The following FANCI variants were observed in gnomAD, a reference collection of about 807,000 sequenced individuals.
FANCI encodes the protein FA complementation group I.
FANCI carries 156 observed loss-of-function variants against 176.1 expected under a neutral mutation model. The ratio of observed to expected loss-of-function variants is 0.89; its 90% confidence interval spans 0.78 to 1.01. The LOEUF (loss-of-function observed/expected upper bound fraction) is 1.01, where lower values mean the gene tolerates loss of function less well. FANCI is among the 50% of genes least tolerant of loss of function. FANCI has a pLI of 0.00. For missense variants in FANCI, 1,678 were observed against 1,534.1 expected (o/e 1.09, Z -1.57); for synonymous variants, 613 against 541.7 (o/e 1.13, Z -1.83).
intron 35 of FANCI, 85 bp from the exon 36 acceptor site, chr15:89,314,527 A>T: frequency 1.0e-6 from 1 of 987,062 alleles, no homozygotes; most frequent in Non-Finnish European, 1.6e-6. Context: ...CCCTAAAGCC[A>T]TACAGTTTTG....
rs555460941 is a variant in FANCI, at chr15:89,256,069, T to A, written c.85-2635T>A. Among the ~76,000 whole-genome samples, 6 of 152,322 alleles carry A rather than the reference T, an allele frequency of 3.9e-5. No homozygotes were observed. In the South Asian group the frequency reaches 8.3e-4, roughly 21 times the overall value. On this transcript the variant is annotated intron_variant, in intron 2 of 37. Transcript: ENST00000310775. ...GGGCTTCTGATTCTGGATCCAGCTTTTTTTCCCTCTTCCTATGCCACACTG... is the reference window on the plus strand; with the variant it reads ...GGGCTTCTGATTCTGGATCCAGCTTATTTTCCCTCTTCCTATGCCACACTG...
At chr15:89,247,312 A>G (rs1026617477) in intron 1 of FANCI, among the ~76,000 whole-genome samples, 2 of 152,192 alleles carry the variant, frequency 1.3e-5, no homozygotes, top group African/African-American at 2.4e-5. Flanking sequence ...GTTAAATGGA[A>G]GCTTTGTTCT....
At chr15:89,295,752 T>TTTGTTG (rs893764005) in intron 24 of FANCI, among the ~76,000 whole-genome samples, 1 of 144,704 alleles carries the variant, frequency 6.9e-6, no homozygotes, top group African/African-American at 2.5e-5. Flanking sequence ...CCTTTTTTTT[T>TTTGTTG]TTGTTGTTGT....
chr15:89,274,385 T>C (rs1194585928), intron 12 of FANCI, 81 bp downstream of exon 12: 2 of 1,513,136 alleles, frequency 1.3e-6, no homozygotes, highest in Admixed American at 3.4e-5. Context: ...ACTTGCAGCC[T>C]GTGAGGGGAA....
chr15:89,295,681 A>C (rs2054232242), intron 24 of FANCI, among the ~76,000 whole-genome samples: 2 of 151,724 alleles, frequency 1.3e-5, no homozygotes, highest in South Asian at 4.2e-4. Context: ...GAGTGAAAAA[A>C]AGTGCAGTCA....
At position 89,303,850 on chromosome 15, in the gene FANCI, G is replaced by A; in HGVS notation, c.3007-14G>A. 1 of 1,611,900 alleles carries A rather than the reference G, an allele frequency of 6.2e-7. No individual in the cohort carries two copies. Among genetic ancestry groups the A allele is most frequent in the Non-Finnish European group, 8.5e-7 (1 of 1,178,034 alleles). On this transcript the variant is annotated splice_polypyrimidine_tract_variant and intron_variant, in intron 27 of 37. Transcript: ENST00000310775. ...TGGCATGTTTCTTTAATATCTGAAT[G>A]ATCTCTAATTTAGTTTGTGCAGATG... is the stretch of plus-strand genomic sequence containing the variant.
rs746939739 is a variant in FANCI at position 89,273,385 on chromosome 15, G to A, written c.891G>A (p.Gln297=). 2 of 1,584,660 alleles carry A rather than the reference G, an allele frequency of 1.3e-6. No individual in the cohort carries two copies. Among genetic ancestry groups the A allele is most frequent in the East Asian group, 2.2e-5 (1 of 44,626 alleles). ...RELVKHLKVG[Q]QGDSNNNLSP... ...TGGTTGCTCTCTTCTAGGTAGGACA[G>A]CAAGGAGATTCCAATAATAACTTAA... is the stretch of plus-strand genomic sequence containing the variant. Residue 297 remains glutamine (Q), a synonymous_variant, in exon 11 of 38, where the codon CAG becomes CAA. Coordinates refer to ENST00000310775, the MANE Select transcript of FANCI (RefSeq NM_001113378.2).
Position 89,316,526 on chromosome 15 carries a change from C to A in FANCI, c.*67C>A. 6.7e-7 allele frequency: 1 copy of A among 1,483,114 alleles called. No homozygotes were observed. The highest frequency in any genetic ancestry group is 9.3e-7 in the Non-Finnish European group (1 of 1,078,124). The allele number at this position is 1,483,114 out of a possible 1,614,324, so 91.9% of individuals were successfully genotyped here. The stretch of plus-strand genomic sequence containing the variant: ...CATTTTTACCCAACAAGCAACAATG[C>A]CCCTTGTCCTGTAGTCCACACCGAT... On this transcript the variant is annotated 3_prime_UTR_variant, in exon 38 of 38. Transcript: ENST00000310775.
At chr15:89,273,516 A>C (rs753646184) in intron 11 of FANCI, 47 bp downstream of exon 11, 20 of 837,026 alleles carry the variant, frequency 2.4e-5, no homozygotes, top group Middle Eastern at 5.1e-4. Flanking sequence ...GTTGGTAAAA[A>C]AAAAAAAAAA....
chr15:89,286,672 G>A (rs1032720032), intron 18 of FANCI, among the ~76,000 whole-genome samples: 1 of 152,180 alleles, frequency 6.6e-6, no homozygotes, highest in Admixed American at 6.5e-5. Flanking sequence ...CACAGGCAGA[G>A]TAGATGTAGC....
At chr15:89,249,410 C>T (rs552044973) in intron 2 of FANCI, among the ~76,000 whole-genome samples, 3 of 152,306 alleles carry the variant, frequency 2.0e-5, no homozygotes, top group South Asian at 2.1e-4. Context: ...TGCAGTGGGG[C>T]GATCTCGGCA....
In FANCI at chr15:89,273,943, T is replaced by A. The variant is rs149887102; in HGVS notation, c.976-225T>A. Among the ~76,000 whole-genome samples, 2,012 of 152,312 alleles carry A rather than the reference T, an allele frequency of 0.013. 20 individuals are homozygous for A. Among genetic ancestry groups the A allele is most frequent in the Non-Finnish European group, 0.019 (1,301 of 68,020 alleles). ...TTAAGGAAGGCTTGTCTTCAGCTCC[T>A]TAAAGTTCCCACTGAATGTCATAAT... On this transcript the variant is annotated intron_variant, in intron 11 of 37. Transcript: ENST00000310775.
chr15:89,295,304 C>T (rs1174262522), intron 24 of FANCI, among the ~76,000 whole-genome samples: 1 of 149,754 alleles, frequency 6.7e-6, no homozygotes, highest in African/African-American at 2.5e-5. Context: ...AGGTGGAGGT[C>T]GCAGTGAGCT....
intron 2 of FANCI, among the ~76,000 whole-genome samples, chr15:89,255,896 T>C (rs940642284): frequency 2.0e-5 from 3 of 152,176 alleles, no homozygotes; most frequent in Non-Finnish European, 4.4e-5. Flanking sequence ...AAATTAACAT[T>C]CGTTGAGTAC....
At chr15:89,245,357 TTTTTTTTTTTTTTG>T (rs2051914506) in intron 1 of FANCI, 2 of 130,400 alleles carry the variant, frequency 1.5e-5, no homozygotes, top group African/African-American at 6.3e-5. Context: ...TTTTTTTTTT[TTTTTTTTTTTTTTG>T]TATTTTTAGT....
At chr15:89,302,192 C>G (rs1428291225) in intron 27 of FANCI, among the ~76,000 whole-genome samples, 1 of 152,106 alleles carries the variant, frequency 6.6e-6, no homozygotes, top group East Asian at 1.9e-4. Context: ...TTTATGTGAG[C>G]CCTTGCCTCA....
intron 19 of FANCI, chr15:89,290,505 A>C: frequency 3.6e-6 from 2 of 548,554 alleles, no homozygotes; most frequent in South Asian, 2.0e-5. Context: ...GTGAATTAAC[A>C]GTCTGTATCC....
chr15:89,247,169 C>A (rs1249893438), intron 1 of FANCI, among the ~76,000 whole-genome samples: 1 of 151,690 alleles, frequency 6.6e-6, no homozygotes. Context: ...CTCTTGGGCT[C>A]CCCTTCTCAC....
intron 13 of FANCI, among the ~76,000 whole-genome samples, chr15:89,277,238 C>A (rs2053441738): frequency 6.6e-6 from 1 of 152,024 alleles, no homozygotes; most frequent in African/African-American, 2.4e-5. Flanking sequence ...TTCCTTTACA[C>A]AGAAGAAATT....
Sources: allele counts gnomAD v4.1 joint callset (sites outside exome capture counted in the v4.1 genomes callset), GRCh38; gene constraint gnomAD v4.1.1; transcripts MANE v1.5; gene names NCBI Gene and HGNC (gene_info 2026-07-23, HGNC 2026-07-21).